The following PAQR3 variants were observed in gnomAD, a reference collection of about 807,000 sequenced individuals.
PAQR3 encodes Raf kinase trapping to Golgi.
A neutral mutation model predicts 41.7 loss-of-function variants in PAQR3; 39 were observed. That is an observed-to-expected ratio of 0.93 (90% CI 0.72 to 1.22). The LOEUF is 1.22. PAQR3 is among the 50% of genes most tolerant of loss of function. The probability of loss-of-function intolerance (pLI) is 0.00; values close to 1 mark genes in which losing one functional copy is unlikely to be tolerated. For synonymous variants in PAQR3, 140 were observed against 140.6 expected (o/e 1.00, Z 0.03); for missense variants, 366 against 385.6 (o/e 0.95, Z 0.42).
At chr4:78,894,643 G>A (rs1733608879) in intron 11 of PAQR3, among the ~76,000 whole-genome samples, 1 of 152,198 alleles carries the variant, frequency 6.6e-6, no homozygotes, top group Admixed American at 6.5e-5. Flanking sequence ...TCAGCAGTAA[G>A]GTTGTTTTCC....
chr4:78,891,945 A>G (rs1409691030), intron 11 of PAQR3, among the ~76,000 whole-genome samples: 1 of 152,300 alleles, frequency 6.6e-6, no homozygotes, highest in African/African-American at 2.4e-5. Context: ...CCAAACCGAC[A>G]CTGAATTTCT....
intron 11 of PAQR3, among the ~76,000 whole-genome samples, chr4:78,902,569 C>T (rs1248975829): frequency 6.6e-6 from 1 of 152,102 alleles, no homozygotes; most frequent in Non-Finnish European, 1.5e-5. Context: ...CTCCCGTACA[C>T]CCTCAATGAT....
chr4:78,920,740 A>G, intron 5 of PAQR3, 59 bp from the exon 6 acceptor site: 2 of 1,528,480 alleles, frequency 1.3e-6, no homozygotes, highest in Non-Finnish European at 1.8e-6. Context: ...TTAAAGGAAA[A>G]ATATATTTCT....
At chr4:78,927,458 A>G (rs562991558) in intron 3 of PAQR3, among the ~76,000 whole-genome samples, 1 of 152,350 alleles carries the variant, frequency 6.6e-6, no homozygotes, top group South Asian at 2.1e-4. Context: ...AGTTTATTCA[A>G]AGAGAGAGTG....
At chr4:78,938,734 C>T (rs1217822466) in intron 1 of PAQR3, among the ~76,000 whole-genome samples, 1 of 151,882 alleles carries the variant, frequency 6.6e-6, no homozygotes, top group Non-Finnish European at 1.5e-5. Context: ...AGCCCCATTT[C>T]AATATATATC....
chr4:78,902,503 G>A (rs763011612), intron 11 of PAQR3, among the ~76,000 whole-genome samples: 2 of 152,110 alleles, frequency 1.3e-5, no homozygotes, highest in Non-Finnish European at 2.9e-5. Flanking sequence ...ATTGCTGGGA[G>A]ATGATGGCAG....
intron 4 of PAQR3, among the ~76,000 whole-genome samples, chr4:78,925,945 AAT>A (rs1736172621): frequency 6.6e-6 from 1 of 152,110 alleles, no homozygotes; most frequent in Non-Finnish European, 1.5e-5. Context: ...TTTATTTCTC[AAT>A]ATATTCTCCT....
chr4:78,910,843 C>A, downstream of PAQR3: 1 of 1,613,942 alleles, frequency 6.2e-7, no homozygotes, highest in African/African-American at 1.3e-5. Flanking sequence ...AGAAGTTCTT[C>A]AGGGGGAACA....
chr4:78,902,396 A>T (rs1384552833), intron 11 of PAQR3, among the ~76,000 whole-genome samples: 1 of 151,936 alleles, frequency 6.6e-6, no homozygotes, highest in Non-Finnish European at 1.5e-5. Context: ...TTCTCTTCTT[A>T]TACTCAAACC....
Position 78,917,627 on chromosome 4 carries a change from A to T in PAQR3, c.*2912T>A. 5.5e-6 allele frequency: 1 copy of T among 181,386 alleles called. No individual in the cohort carries two copies. The highest frequency in any genetic ancestry group is 1.1e-5 in the Non-Finnish European group (1 of 94,974). The allele number at this position is 181,386 out of a possible 1,614,324, so 11.2% of individuals were successfully genotyped here. The stretch of plus-strand genomic sequence containing the variant: ...GAGCTGATTCTTTACACACTTGGGC[A>T]GAAGTAGAATTCCCAGGAATGATGA... On this transcript the variant is annotated 3_prime_UTR_variant, in exon 6 of 6. Coordinates refer to ENST00000512733, the MANE Select transcript of PAQR3 (RefSeq NM_001040202.2).
At chr4:78,937,559 G>A (rs557912793) in intron 1 of PAQR3, among the ~76,000 whole-genome samples, 1 of 152,300 alleles carries the variant, frequency 6.6e-6, no homozygotes, top group South Asian at 2.1e-4. Context: ...ACCATTTATT[G>A]ACGGCTTATT....
chr4:78,927,888 A>T (rs6854347), intron 3 of PAQR3, among the ~76,000 whole-genome samples: 116,801 of 152,192 alleles, frequency 0.77, 45,006 homozygotes, highest in Non-Finnish European at 0.81. Flanking sequence ...GCAAAAGTGC[A>T]TTCTACTGGA....
At chr4:78,899,607 A>G (rs1373569426) in intron 11 of PAQR3, among the ~76,000 whole-genome samples, 1 of 152,168 alleles carries the variant, frequency 6.6e-6, no homozygotes, top group East Asian at 1.9e-4. Context: ...AGGGATAGAG[A>G]AAGAAGGACC....
chr4:78,928,515 C>T (rs772989248), intron 3 of PAQR3, among the ~76,000 whole-genome samples: 3 of 152,104 alleles, frequency 2.0e-5, no homozygotes, highest in Non-Finnish European at 4.4e-5. Flanking sequence ...AATTTTCATA[C>T]CAGATATGTT....
At chr4:78,938,971 A>C (rs1737736115) in intron 1 of PAQR3, 69 bp downstream of exon 1, 1 of 1,420,682 alleles carries the variant, frequency 7.0e-7, no homozygotes, top group Non-Finnish European at 9.6e-7. Flanking sequence ...GGAAAGCAGA[A>C]GGGGGACCAG....
chr4:78,930,113 C>T (rs1736684083), intron 3 of PAQR3, 57 bp downstream of exon 3: 1 of 1,491,534 alleles, frequency 6.7e-7, no homozygotes, highest in Non-Finnish European at 9.1e-7. Flanking sequence ...AGAACCAAGG[C>T]AAGAAAACCC....
At chr4:78,911,186 T>TC (rs745958736), downstream of PAQR3, 2 of 1,613,680 alleles carry the variant, frequency 1.2e-6, no homozygotes, top group Non-Finnish European at 1.7e-6. Context: ...GAAAAGAACC[T>TC]CCCTCAACAC....
In PAQR3 at chr4:78,919,310, ATG is replaced by A. The variant is rs1333419926; in HGVS notation, c.*1227_*1228del. 2 of 983,800 alleles carry A rather than the reference ATG, an allele frequency of 2.0e-6. No individual in the cohort carries two copies. Among genetic ancestry groups the A allele is most frequent in the African/African-American group, 3.5e-5 (2 of 57,170 alleles). The allele number at this position is 983,800 out of a possible 1,614,324, so 60.9% of individuals were successfully genotyped here. A position where few individuals can be genotyped will look rare whatever the true frequency, so the allele number is the denominator to read the frequency against. Reference sequence around the variant, plus strand: ...GTAATATTTTATACTCCAATAAACAATGTAAGTTTTTATGAATGTCTACTTTA... The same window carrying A: ...GTAATATTTTATACTCCAATAAACAATAAGTTTTTATGAATGTCTACTTTA... On this transcript the variant is annotated 3_prime_UTR_variant, in exon 6 of 6. Transcript: ENST00000512733.
In PAQR3 at chr4:78,920,752, G is replaced by C. The variant is rs1735582147; in HGVS notation, c.794-71C>G. On this transcript the variant is annotated intron_variant, in intron 5 of 5. Transcript: ENST00000512733. ...ACATTAAAGGAAAAATATATTTCTT[G>C]GAAGTATAGCTTAGCAGAAAAATTT... The C allele has an allele frequency of 5.4e-6, 8 of 1,491,334 alleles. No individual in the cohort carries two copies. The South Asian group carries it at 9.4e-5, about 18-fold the overall frequency. 92.4% of individuals were successfully genotyped at this position (1,491,334 alleles called of 1,614,324 possible).
Sources: allele counts gnomAD v4.1 joint callset (sites outside exome capture counted in the v4.1 genomes callset), GRCh38; gene constraint gnomAD v4.1.1; transcripts MANE v1.5; gene names NCBI Gene and HGNC (gene_info 2026-07-23, HGNC 2026-07-21).